The following SHOC1 variants were observed in gnomAD, a reference collection of about 807,000 sequenced individuals.
SHOC1 encodes the protein shortage in chiasmata 1.
In SHOC1, 136 loss-of-function variants were observed where a neutral mutation model predicts 179.2. The ratio of observed to expected loss-of-function variants is 0.76; its 90% CI spans 0.66 to 0.87. SHOC1 has a LOEUF of 0.87. Among genes scored for constraint, SHOC1 ranks in the 40% least tolerant of loss-of-function variants. SHOC1 has a pLI of 0.00. For synonymous variants in SHOC1, 489 were observed against 586.6 expected, an observed-to-expected ratio of 0.83 and a Z score of 2.41; for missense variants, 1,538 against 1,700.8, an observed-to-expected ratio of 0.90 and a Z score of 1.68.
In SHOC1 at chr9:111,775,857, A is replaced by T; in HGVS notation, c.376T>A (p.Tyr126Asn). The change falls in exon 5 of 28, where the codon TAC becomes AAC. Residue 126 changes from tyrosine to asparagine, a missense_variant. Coordinates refer to ENST00000682961, the MANE Select transcript of SHOC1 (RefSeq NM_001378211.1). The part of the protein sequence containing the change: ...EEVSLYTHMD[Y>N]NEVFTPVSCL... ...CTGACAGGGGTAAAGACTTCATTGT[A>T]GTCCATGTGGGTGTATAAACTGACC... 6 of 1,613,758 alleles carry T rather than the reference A, an allele frequency of 3.7e-6. No individual in the cohort carries two copies. The highest frequency in any genetic ancestry group is 5.1e-6 in the Non-Finnish European group (6 of 1,179,844).
Position 111,727,961 on chromosome 9 carries a change from A to T in SHOC1, c.1506T>A (p.Ser502Arg). ...TNAHLSLPQK[S>R]PSLAKEVPDL... ...CTGGTACTTCTTTTGCCAGAGATGGACTCTTTTGTGGAAGTGATAAATGAG... is the reference window on the plus strand; with the variant it reads ...CTGGTACTTCTTTTGCCAGAGATGGTCTCTTTTGTGGAAGTGATAAATGAG... The change falls in exon 13 of 28, where the codon AGT (serine) becomes AGA (arginine). Residue 502 changes from serine (S) to arginine (R), a missense_variant. Coordinates refer to ENST00000682961, the MANE Select transcript of SHOC1 (RefSeq NM_001378211.1). 1 of 1,613,116 alleles carries T rather than the reference A, an allele frequency of 6.2e-7. No homozygotes were observed. The highest frequency in any genetic ancestry group is 2.2e-5 in the East Asian group (1 of 44,756).
In SHOC1 at chr9:111,702,248, G is replaced by T. The variant is rs750425043; in HGVS notation, c.2968-22C>A. Reference sequence around the variant, plus strand: ...GATCCTATCAGAAAATAAAGAAAATGTAAAAATTCATTAGGTTGAACAGTT... The same window carrying T: ...GATCCTATCAGAAAATAAAGAAAATTTAAAAATTCATTAGGTTGAACAGTT... On this transcript the variant is annotated intron_variant, in intron 22 of 27. Coordinates refer to ENST00000682961, the MANE Select transcript of SHOC1 (RefSeq NM_001378211.1). 5 of 1,334,956 alleles carry T rather than the reference G, an allele frequency of 3.7e-6. No individual in the cohort carries two copies. The East Asian group carries it at 9.4e-5, about 25-fold the overall frequency. The allele number at this position is 1,334,956 out of a possible 1,614,324, so 82.7% of individuals were successfully genotyped here.
intron 11 of SHOC1, among the ~76,000 whole-genome samples, chr9:111,741,186 A>G (rs1230724460): frequency 1.3e-5 from 2 of 152,126 alleles, no homozygotes; most frequent in Non-Finnish European, 2.9e-5. Context: ...CTTTGGAAAT[A>G]CAAATTACTT....
chr9:111,723,933 A>G (rs371004385), intron 13 of SHOC1, 22 bp from the exon 14 acceptor site: 1 of 1,472,176 alleles, frequency 6.8e-7, no homozygotes. Context: ...AATAAAAAAT[A>G]TAAATTTTTG....
rs150768090 is a variant in SHOC1, at chr9:111,763,284, T to C, written c.443-4436A>G. 8.0e-4 allele frequency among the ~76,000 whole-genome samples: 121 copies of C among 152,036 alleles called. 1 individual carries two copies. The highest frequency in any genetic ancestry group is 2.8e-3 in the African/African-American group (115 of 41,502). ...ATCAAAGAAATAATTCTAGAAAATA[T>C]CTTAAAATTGAAGTGCATAAAAGTA... On this transcript the variant is annotated intron_variant, in intron 5 of 27. Transcript: ENST00000682961.
chr9:111,781,116 A>G, intron 3 of SHOC1, 99 bp from the exon 4 acceptor site: 1 of 817,380 alleles, frequency 1.2e-6, no homozygotes, highest in Non-Finnish European at 2.0e-6. Flanking sequence ...TTTTATCTTT[A>G]TTTATTCACA....
intron 10 of SHOC1, among the ~76,000 whole-genome samples, chr9:111,745,675 T>C (rs1252305878): frequency 2.6e-5 from 4 of 152,200 alleles, no homozygotes; most frequent in Non-Finnish European, 4.4e-5. Flanking sequence ...CACTTGGTTC[T>C]TTCACTTCTC....
chr9:111,687,584 T>C (rs1401627062), intron 27 of SHOC1, among the ~76,000 whole-genome samples: 1 of 152,186 alleles, frequency 6.6e-6, no homozygotes, highest in Non-Finnish European at 1.5e-5. Context: ...AGGCCGGGCT[T>C]CCTAATTCTT....
intron 16 of SHOC1, among the ~76,000 whole-genome samples, chr9:111,715,993 C>T (rs759009969): frequency 5.9e-5 from 9 of 151,934 alleles, no homozygotes; most frequent in Non-Finnish European, 1.2e-4. Flanking sequence ...GCCAGACCTC[C>T]GTGGATTTTT....
At chr9:111,702,279 G>T in intron 22 of SHOC1, 53 bp from the exon 23 acceptor site, 1 of 1,144,532 alleles carries the variant, frequency 8.7e-7, no homozygotes, top group African/African-American at 1.6e-5. Flanking sequence ...CAGTTATTAT[G>T]AAATTATGTT....
In SHOC1 at chr9:111,781,816, G is replaced by A. The variant is rs187796097; in HGVS notation, c.170-799C>T. Among the ~76,000 whole-genome samples the A allele has an allele frequency of 2.8e-4, 43 of 151,296 alleles. 1 individual carries two copies. The highest frequency in any genetic ancestry group is 1.1e-3 in the African/African-American group (43 of 40,614). On this transcript the variant is annotated intron_variant, in intron 3 of 27. Transcript: ENST00000682961. ...TTGGTTCCTTAAGGAGAAAGACCAT[G>A]TCATATACTACTGTCAGAATATACA...
chr9:111,727,735 G>T lies in SHOC1; in HGVS notation c.1732C>A (p.Gln578Lys). ...CTCAAAAGGTCCAAATCATTCTCTT[G>T]TTTTTTGCCATGTTCAAAAGATGCT... ...KKASFEHGKK[Q>K]ENDLDLLSDF... The change falls in exon 13 of 28, where the codon CAA becomes AAA. Residue 578 changes from glutamine to lysine, a missense_variant. Physicochemically the swap from Gln to Lys is moderately conservative, Grantham distance 53. Coordinates refer to ENST00000682961, the MANE Select transcript of SHOC1 (RefSeq NM_001378211.1). 1.2e-6 allele frequency: 2 copies of T among 1,613,284 alleles called. No individual in the cohort carries two copies. Among genetic ancestry groups the T allele is most frequent in the Non-Finnish European group, 1.7e-6 (2 of 1,179,628 alleles).
At chr9:111,716,732 G>A (rs1331705931) in intron 16 of SHOC1, among the ~76,000 whole-genome samples, 1 of 152,106 alleles carries the variant, frequency 6.6e-6, no homozygotes, top group Non-Finnish European at 1.5e-5. Context: ...GGTAAGTATT[G>A]AGCATACTGT....
At chr9:111,754,631 C>T (rs769172043) in intron 8 of SHOC1, among the ~76,000 whole-genome samples, 2 of 152,134 alleles carry the variant, frequency 1.3e-5, no homozygotes, top group Non-Finnish European at 2.9e-5. Context: ...GAAATGAAAA[C>T]ATATGTGTGG....
intron 24 of SHOC1, among the ~76,000 whole-genome samples, chr9:111,696,448 A>T (rs1321800716): frequency 3.3e-5 from 5 of 152,226 alleles, no homozygotes; most frequent in Admixed American, 1.3e-4. Context: ...CAGGAGGCTT[A>T]TGAGTACTGA....
intron 5 of SHOC1, among the ~76,000 whole-genome samples, chr9:111,765,877 C>A (rs779768251): frequency 6.6e-6 from 1 of 151,908 alleles, no homozygotes. Context: ...CCACACCCAG[C>A]TTAGAGGCAG....
At chr9:111,777,803 ACT>A (rs902393248) in intron 4 of SHOC1, among the ~76,000 whole-genome samples, 3 of 152,082 alleles carry the variant, frequency 2.0e-5, no homozygotes, top group African/African-American at 7.2e-5. Context: ...AATCAATATA[ACT>A]CTCCAATATA....
chr9:111,756,020 G>A (rs1175116130), intron 8 of SHOC1, among the ~76,000 whole-genome samples: 1 of 152,086 alleles, frequency 6.6e-6, no homozygotes, highest in African/African-American at 2.4e-5. Flanking sequence ...TACTCGGGAG[G>A]CTGAGGTGGG....
At chr9:111,750,098 C>T (rs1368187433) in intron 8 of SHOC1, among the ~76,000 whole-genome samples, 1 of 152,116 alleles carries the variant, frequency 6.6e-6, no homozygotes, top group Admixed American at 6.5e-5. Context: ...TTTGAGGAAT[C>T]GCCACACTGT....
Sources: gnomAD v4.1 joint callset for allele counts (sites outside exome capture counted in the v4.1 genomes callset) on GRCh38, gnomAD v4.1.1 for gene constraint, MANE v1.5 for transcripts, NCBI Gene and HGNC (gene_info 2026-07-23, HGNC 2026-07-21) for gene names.